The following PTPRT variants were observed in gnomAD, a reference collection of about 807,000 sequenced individuals.
The protein encoded by PTPRT is protein tyrosine phosphatase receptor type T.
Under a neutral mutation model 176.8 loss-of-function variants are expected in PTPRT, and 56 were observed. That is an observed-to-expected ratio of 0.32 (90% confidence interval 0.26 to 0.40). The LOEUF is 0.40. PTPRT is among the 10% of genes least tolerant of loss of function. The pLI is 1.00. For synonymous variants in PTPRT, 783 were observed against 739.0 expected (o/e 1.06, Z -0.96); for missense variants, 1,540 against 1,908.2 (o/e 0.81, Z 3.60).
intron 15 of PTPRT, among the ~76,000 whole-genome samples, chr20:42,217,397 ACACACAC>A (rs2055800537): frequency 1.5e-5 from 2 of 131,332 alleles, no homozygotes; most frequent in Admixed American, 1.4e-4. Context: ...ACACACACAC[ACACACAC>A]ACACACACAC....
the PTPRT span, among the ~76,000 whole-genome samples, chr20:42,064,893 TG>T: frequency 6.6e-6 from 1 of 152,182 alleles, no homozygotes; most frequent in Non-Finnish European, 1.5e-5. Context: ...AAAGGTCAGG[TG>T]GGAAAAGGTT....
chr20:42,770,769 C>T (rs2077050973), intron 5 of PTPRT, among the ~76,000 whole-genome samples: 1 of 152,160 alleles, frequency 6.6e-6, no homozygotes, highest in South Asian at 2.1e-4. Context: ...TTTGCCTCAG[C>T]CCTAGTAATC....
chr20:42,393,563 C>T (rs994910276), intron 9 of PTPRT, among the ~76,000 whole-genome samples: 2 of 152,172 alleles, frequency 1.3e-5, no homozygotes, highest in Non-Finnish European at 2.9e-5. Flanking sequence ...CTTCCATACA[C>T]CATTTCTCAA....
chr20:42,846,617 G>A (rs1018585965), intron 2 of PTPRT, among the ~76,000 whole-genome samples: 7 of 152,176 alleles, frequency 4.6e-5, no homozygotes, highest in African/African-American at 1.7e-4. Context: ...AACACCATAG[G>A]GGATAAAGTT....
intron 1 of PTPRT, among the ~76,000 whole-genome samples, chr20:43,025,371 A>G (rs569219529): frequency 6.6e-6 from 1 of 152,242 alleles, no homozygotes; most frequent in Admixed American, 6.5e-5. Flanking sequence ...CAACTTCCAG[A>G]ACGCAGTCCA....
At chr20:42,283,232 G>A (rs1441907183) in intron 12 of PTPRT, among the ~76,000 whole-genome samples, 7 of 152,078 alleles carry the variant, frequency 4.6e-5, no homozygotes, top group African/African-American at 7.2e-5. Flanking sequence ...TTCTCTGCCC[G>A]CTTTACTGGG....
rs190506286 is a variant in PTPRT at position 42,388,179 on chromosome 20, C to T, written c.1561-35894G>A. Among the ~76,000 whole-genome samples, 13 of 152,294 alleles carry T rather than the reference C, an allele frequency of 8.5e-5. No individual in the cohort carries two copies. The East Asian group carries it at 2.3e-3, about 27-fold the overall frequency. On this transcript the variant is annotated intron_variant, in intron 9 of 30. Transcript: ENST00000373187. ...CATTAATAGTGCTAAGGTTAAGAAA[C>T]GTGATATAGCAATACCATTCAGGAC...
chr20:42,872,957 T>C (rs1051472071), intron 2 of PTPRT, among the ~76,000 whole-genome samples: 1 of 152,164 alleles, frequency 6.6e-6, no homozygotes, highest in African/African-American at 2.4e-5. Context: ...GTAGAGATAA[T>C]GCCTACCCAA....
the PTPRT span, among the ~76,000 whole-genome samples, chr20:42,035,993 CTA>C: frequency 2.6e-5 from 4 of 152,170 alleles, no homozygotes; most frequent in Non-Finnish European, 4.4e-5. Flanking sequence ...ACAGGACAAA[CTA>C]TGACTAGGTA....
chr20:42,062,609 A>G, the PTPRT span, among the ~76,000 whole-genome samples: 7 of 152,148 alleles, frequency 4.6e-5, no homozygotes, highest in Non-Finnish European at 1.0e-4. Flanking sequence ...TTTTTCCCAC[A>G]TAAAATGTCT....
At chr20:42,215,696 T>C (rs993628511) in intron 15 of PTPRT, among the ~76,000 whole-genome samples, 1 of 152,180 alleles carries the variant, frequency 6.6e-6, no homozygotes, top group Admixed American at 6.5e-5. Flanking sequence ...TTTCACATCA[T>C]TAAAAGTTGT....
chr20:42,248,427 G>A (rs561710237), intron 14 of PTPRT, among the ~76,000 whole-genome samples: 1 of 152,282 alleles, frequency 6.6e-6, no homozygotes, highest in East Asian at 1.9e-4. Context: ...GGAATCCCAT[G>A]GCACATCGCG....
At chr20:42,059,699 C>T in the PTPRT span, among the ~76,000 whole-genome samples, 6 of 152,184 alleles carry the variant, frequency 3.9e-5, no homozygotes, top group African/African-American at 1.4e-4. Flanking sequence ...CCTCTTCTCT[C>T]TGTTGCCTTG....
intron 3 of PTPRT, among the ~76,000 whole-genome samples, chr20:42,790,038 C>T (rs1358024508): frequency 1.3e-5 from 2 of 152,194 alleles, no homozygotes; most frequent in Non-Finnish European, 2.9e-5. Context: ...TAACCTAAAA[C>T]CTTTCAACAG....
chr20:42,356,575 A>T (rs1415628114), intron 9 of PTPRT, among the ~76,000 whole-genome samples: 1 of 152,128 alleles, frequency 6.6e-6, no homozygotes, highest in Non-Finnish European at 1.5e-5. Flanking sequence ...GCATGCCTGT[A>T]ACCCCAGCTA....
chr20:42,780,025 G>A lies in PTPRT; in HGVS notation c.568+193C>T, dbSNP rs574042740. On this transcript the variant is annotated intron_variant, in intron 4 of 30. Transcript: ENST00000373187. ...CTGCAAATTCCTGGAGGTGCTGCCTGTTGAACAGGCCGGCAAAATTATGGA... is the reference window on the plus strand; with the variant it reads ...CTGCAAATTCCTGGAGGTGCTGCCTATTGAACAGGCCGGCAAAATTATGGA... 2.6e-5 allele frequency among the ~76,000 whole-genome samples: 4 copies of A among 152,294 alleles called. No homozygotes were observed. In the South Asian group the frequency reaches 8.3e-4, roughly 32 times the overall value.
chr20:42,034,939 G>C, the PTPRT span, among the ~76,000 whole-genome samples: 1 of 152,158 alleles, frequency 6.6e-6, no homozygotes, highest in Non-Finnish European at 1.5e-5. Context: ...AGCCCAGTCA[G>C]AGCTCTAGGA....
At chr20:42,878,714 TA>T (rs1212743065) in intron 2 of PTPRT, among the ~76,000 whole-genome samples, 1 of 152,148 alleles carries the variant, frequency 6.6e-6, no homozygotes, top group Non-Finnish European at 1.5e-5. Context: ...GGACAAGTAG[TA>T]AATGCCAGCT....
At chr20:42,039,833 T>A in the PTPRT span, among the ~76,000 whole-genome samples, 1 of 151,932 alleles carries the variant, frequency 6.6e-6, no homozygotes, top group East Asian at 1.9e-4. Context: ...ACACAATGTT[T>A]ATTCATTGAT....
Sources: gnomAD v4.1 joint callset for allele counts (sites outside exome capture counted in the v4.1 genomes callset) on GRCh38, gnomAD v4.1.1 for gene constraint, MANE v1.5 for transcripts, NCBI Gene and HGNC (gene_info 2026-07-23, HGNC 2026-07-21) for gene names.